The following THEMIS variants were observed in gnomAD, a reference collection of about 807,000 sequenced individuals.
THEMIS encodes protein THEMIS.
THEMIS carries 37 observed loss-of-function variants against 52.6 expected under a neutral mutation model. The observed-to-expected ratio is 0.70, with a 90% CI of 0.54 to 0.93. The LOEUF (loss-of-function observed/expected upper bound fraction) is 0.93. THEMIS is among the 40% of genes least tolerant of loss of function. THEMIS has a pLI of 0.00. For missense variants in THEMIS, 808 were observed against 763.1 expected (o/e 1.06, Z -0.69); for synonymous variants, 292 against 272.7 (o/e 1.07, Z -0.70).
intron 2 of THEMIS, among the ~76,000 whole-genome samples, chr6:127,844,058 A>C (rs1398656899): frequency 6.6e-6 from 1 of 151,998 alleles, no homozygotes; most frequent in Non-Finnish European, 1.5e-5. Context: ...TGCCAAATTT[A>C]GACACAACTT....
At chr6:127,723,427 C>T (rs543944404) in intron 4 of THEMIS, among the ~76,000 whole-genome samples, 6 of 151,926 alleles carry the variant, frequency 3.9e-5, no homozygotes, top group Non-Finnish European at 5.9e-5. Context: ...CCAAACATTG[C>T]GTGTCAAGAG....
intron 1 of THEMIS, among the ~76,000 whole-genome samples, chr6:127,878,132 A>G (rs758336237): frequency 1.3e-5 from 2 of 152,196 alleles, no homozygotes; most frequent in Middle Eastern, 3.2e-3. Flanking sequence ...AGGCTGCTTC[A>G]TGGGTGAAAT....
At chr6:127,803,239 A>G (rs1469412125) in intron 4 of THEMIS, among the ~76,000 whole-genome samples, 1 of 152,150 alleles carries the variant, frequency 6.6e-6, no homozygotes, top group African/African-American at 2.4e-5. Flanking sequence ...TTTTAAGTGT[A>G]CAGCGCTATG....
intron 1 of THEMIS, among the ~76,000 whole-genome samples, chr6:127,899,088 TG>T (rs1286519353): frequency 1.3e-5 from 2 of 151,816 alleles, no homozygotes; most frequent in East Asian, 3.9e-4. Flanking sequence ...AATAATTTAC[TG>T]TATATTTCAA....
chr6:127,733,419 T>C (rs1774878762), intron 4 of THEMIS, among the ~76,000 whole-genome samples: 1 of 152,208 alleles, frequency 6.6e-6, no homozygotes, highest in Admixed American at 6.5e-5. Context: ...GTTAATACAA[T>C]GTTCAAAGAA....
rs1779893734 is a variant in THEMIS at position 127,864,023 on chromosome 6, TTTTAGTCATTG to T, written c.92-8846_92-8836del. 1.1e-4 allele frequency among the ~76,000 whole-genome samples: 16 copies of T among 152,276 alleles called. No individual in the cohort carries two copies. In the South Asian group the frequency reaches 3.3e-3, roughly 32 times the overall value. On this transcript the variant is annotated intron_variant, in intron 1 of 5. Transcript: ENST00000368248. ...TTATTTCCCCAGGAAAGAAAGGAAGTTTTAGTCATTGTTTAGCTCTGAGACTCAAAGACATT... is the reference window on the plus strand; with the variant it reads ...TTATTTCCCCAGGAAAGAAAGGAAGTTTTAGCTCTGAGACTCAAAGACATT...
the THEMIS span, among the ~76,000 whole-genome samples, chr6:127,697,914 C>T: frequency 2.0e-5 from 3 of 152,100 alleles, no homozygotes; most frequent in Non-Finnish European, 4.4e-5. Flanking sequence ...AGATTTAAAA[C>T]TAATTTTGTC....
rs577720589 is a variant in THEMIS, at chr6:127,912,181, C to T, written c.-150+6247G>A. On this transcript the variant is annotated intron_variant, in intron 1 of 6. Coordinates refer to the THEMIS transcript ENST00000368250. The stretch of plus-strand genomic sequence containing the variant: ...GGAACTTTAAGGTTTAATGACTGCC[C>T]TATTGGATTTTAGACTTGCATGAGA... 2.0e-5 allele frequency among the ~76,000 whole-genome samples: 3 copies of T among 152,234 alleles called. No individual in the cohort carries two copies. The South Asian group carries it at 6.2e-4, about 32-fold the overall frequency.
At chr6:127,752,050 C>A (rs1281648421) in intron 4 of THEMIS, among the ~76,000 whole-genome samples, 1 of 151,614 alleles carries the variant, frequency 6.6e-6, no homozygotes, top group African/African-American at 2.4e-5. Context: ...AAATGGACCA[C>A]TATTGAACAG....
chr6:127,700,784 G>T, the THEMIS span, among the ~76,000 whole-genome samples: 1 of 151,794 alleles, frequency 6.6e-6, no homozygotes, highest in Non-Finnish European at 1.5e-5. Context: ...TTCTTTTTTG[G>T]CCAGATCAAA....
chr6:127,765,231 C>T (rs1444002848), intron 4 of THEMIS, among the ~76,000 whole-genome samples: 6 of 152,070 alleles, frequency 3.9e-5, no homozygotes, highest in Non-Finnish European at 5.9e-5. Flanking sequence ...TCTTCCACCT[C>T]TTTATTGCTC....
At chr6:127,867,384 G>T (rs1780015612) in intron 1 of THEMIS, among the ~76,000 whole-genome samples, 1 of 151,974 alleles carries the variant, frequency 6.6e-6, no homozygotes, top group South Asian at 2.1e-4. Context: ...AAGTAGACAA[G>T]GTTTCTATTG....
chr6:127,890,948 G>A (rs1780786561), intron 1 of THEMIS, among the ~76,000 whole-genome samples: 1 of 151,982 alleles, frequency 6.6e-6, no homozygotes, highest in Non-Finnish European at 1.5e-5. Flanking sequence ...ATCAAATAAA[G>A]TCCTGATCAA....
At chr6:127,810,242 A>G (rs1223045586) in intron 4 of THEMIS, among the ~76,000 whole-genome samples, 1 of 151,726 alleles carries the variant, frequency 6.6e-6, no homozygotes, top group African/African-American at 2.4e-5. Flanking sequence ...ATGGTAGTGG[A>G]CATCTATTAT....
At position 127,708,983 on chromosome 6, in the gene THEMIS, C is replaced by T. The variant is rs940261485; in HGVS notation, c.*1002G>A. ...TATTAAATTCCTATGTAACATTAAC[C>T]AGATAGCCTGTCTCTTCATTTTGTT... On this transcript the variant is annotated 3_prime_UTR_variant, in exon 6 of 6. Coordinates refer to ENST00000368248, the MANE Select transcript of THEMIS (RefSeq NM_001010923.3). 1 of 151,816 alleles carries T rather than the reference C, an allele frequency of 6.6e-6. No individual in the cohort carries two copies. The highest frequency in any genetic ancestry group is 1.5e-5 in the Non-Finnish European group (1 of 67,900). 9.4% of individuals were successfully genotyped at this position (151,816 alleles called of 1,614,324 possible). A position where few individuals can be genotyped will look rare whatever the true frequency, so the allele number is the denominator to read the frequency against.
chr6:127,786,515 T>A (rs1467630145), intron 4 of THEMIS, among the ~76,000 whole-genome samples: 2 of 152,238 alleles, frequency 1.3e-5, no homozygotes. Flanking sequence ...TGACAGCCAG[T>A]GTTGGTTGAG....
chr6:127,908,951 G>A (rs1183605828), intron 1 of THEMIS, among the ~76,000 whole-genome samples: 1 of 151,684 alleles, frequency 6.6e-6, no homozygotes, highest in Non-Finnish European at 1.5e-5. Flanking sequence ...ATTTAAAATA[G>A]TTATCTATTA....
At chr6:127,908,754 G>C (rs1405887342) in intron 1 of THEMIS, among the ~76,000 whole-genome samples, 1 of 151,970 alleles carries the variant, frequency 6.6e-6, no homozygotes, top group Non-Finnish European at 1.5e-5. Context: ...AAGCTTAACT[G>C]CAATATGTCT....
At position 127,877,593 on chromosome 6, in the gene THEMIS, G is replaced by A. The variant is rs1007128959; in HGVS notation, c.92-22405C>T. Among the ~76,000 whole-genome samples the A allele has an allele frequency of 4.6e-5, 7 of 152,158 alleles. No homozygotes were observed. In the East Asian group the frequency reaches 9.6e-4, roughly 21 times the overall value. ...AGATGGGGAAGAAATGGCTGGTCGA[G>A]GGAGCAGTTGGACACACAACATTTA... is the stretch of plus-strand genomic sequence containing the variant. On this transcript the variant is annotated intron_variant, in intron 1 of 5. Transcript: ENST00000368248.
Sources: allele counts gnomAD v4.1 joint callset (sites outside exome capture counted in the v4.1 genomes callset), GRCh38; gene constraint gnomAD v4.1.1; transcripts MANE v1.5; gene names NCBI Gene and HGNC (gene_info 2026-07-23, HGNC 2026-07-21).